The following NCOA1 variants were observed in gnomAD, a reference collection of about 807,000 sequenced individuals.
The protein encoded by NCOA1 is nuclear receptor coactivator 1.
Under a neutral mutation model 150.9 loss-of-function variants are expected in NCOA1, and 35 were observed. The ratio of observed to expected loss-of-function variants is 0.23; its 90% CI spans 0.18 to 0.31. The LOEUF (loss-of-function observed/expected upper bound fraction) is 0.31. NCOA1 is among the 10% of genes least tolerant of loss of function. The probability of loss-of-function intolerance (pLI) is 1.00; values close to 1 mark genes in which losing one functional copy is unlikely to be tolerated. For missense variants in NCOA1, 1,491 were observed against 1,749.3 expected, an observed-to-expected ratio of 0.85 and a Z score of 2.63; for synonymous variants, 590 against 630.0, an observed-to-expected ratio of 0.94 and a Z score of 0.95.
intron 6 of NCOA1, among the ~76,000 whole-genome samples, chr2:24,666,787 T>A (rs767174507): frequency 2.0e-5 from 3 of 152,030 alleles, no homozygotes; most frequent in Non-Finnish European, 2.9e-5. Context: ...TGCGCGCCAC[T>A]ATGCCCAGCT....
At chr2:24,678,185 A>C (rs1382690118) in intron 7 of NCOA1, among the ~76,000 whole-genome samples, 1 of 151,524 alleles carries the variant, frequency 6.6e-6, no homozygotes, top group Non-Finnish European at 1.5e-5. Context: ...ACAGCTTCCA[A>C]CTCCATCCAT....
chr2:24,556,597 C>T (rs1438842853), intron 1 of NCOA1, among the ~76,000 whole-genome samples: 1 of 152,132 alleles, frequency 6.6e-6, no homozygotes, highest in African/African-American at 2.4e-5. Flanking sequence ...CAAAAGAAGA[C>T]ATTTATGTGG....
chr2:24,571,663 T>C (rs1201843995), intron 2 of NCOA1, among the ~76,000 whole-genome samples: 2 of 152,168 alleles, frequency 1.3e-5, no homozygotes, highest in Admixed American at 1.3e-4. Flanking sequence ...CTTAGTGCGC[T>C]GGCCAAGGAG....
chr2:24,534,318 A>G (rs570492559), intron 1 of NCOA1, among the ~76,000 whole-genome samples: 5 of 151,766 alleles, frequency 3.3e-5, no homozygotes, highest in East Asian at 1.9e-4. Context: ...TATTGCATCT[A>G]TTTGATTCTT....
At chr2:24,703,350 T>C (rs936336460) in intron 11 of NCOA1, among the ~76,000 whole-genome samples, 1 of 152,204 alleles carries the variant, frequency 6.6e-6, no homozygotes, top group Non-Finnish European at 1.5e-5. Flanking sequence ...TTCTAATTAA[T>C]TGAAGTTTTA....
Position 24,514,264 on chromosome 2 carries a change from CA to C in NCOA1, c.-396+22664del, listed in dbSNP as rs1271383625. Reference sequence around the variant, plus strand: ...TCACGCCACTGCACTCCAGCCTGGGCAACAGAGTGAGACTCTGTCTCAAAAA... The same window carrying C: ...TCACGCCACTGCACTCCAGCCTGGGCACAGAGTGAGACTCTGTCTCAAAAA... On this transcript the variant is annotated intron_variant, in intron 1 of 22. Transcript: ENST00000348332. Among the ~76,000 whole-genome samples, 3 of 102,806 alleles carry C rather than the reference CA, an allele frequency of 2.9e-5. No individual in the cohort carries two copies. The East Asian group carries it at 8.8e-4, about 30-fold the overall frequency. The allele number at this position is 102,806 out of a possible 152,430, so 67.4% of individuals were successfully genotyped here.
chr2:24,636,232 A>G (rs1669934085), intron 3 of NCOA1, among the ~76,000 whole-genome samples: 1 of 152,176 alleles, frequency 6.6e-6, no homozygotes, highest in African/African-American at 2.4e-5. Flanking sequence ...ACCCATGAAC[A>G]TGTTAAACCA....
At chr2:24,494,383 C>T (rs751621758) in intron 1 of NCOA1, among the ~76,000 whole-genome samples, 1 of 152,152 alleles carries the variant, frequency 6.6e-6, no homozygotes, top group Non-Finnish European at 1.5e-5. Flanking sequence ...CTGCGTCTCC[C>T]AAGGACTCCA....
intron 19 of NCOA1, among the ~76,000 whole-genome samples, chr2:24,742,765 A>G (rs186576318): frequency 2.0e-5 from 3 of 152,290 alleles, no homozygotes; most frequent in East Asian, 3.9e-4. Context: ...TGAGAATTCA[A>G]TGAAAGTCTT....
rs1665172982 is a variant in NCOA1, at chr2:24,768,392, C to T, written c.*1C>T. The stretch of plus-strand genomic sequence containing the variant: ...CCTTCAGCAGCTACTGACTGAATAA[C>T]CACTTTTAAAGGAATGTGAAATTTA... On this transcript the variant is annotated 3_prime_UTR_variant, in exon 23 of 23. Coordinates refer to ENST00000348332, the MANE Select transcript of NCOA1 (RefSeq NM_003743.5). The T allele has an allele frequency of 1.2e-6, 2 of 1,602,188 alleles. No homozygotes were observed. Among genetic ancestry groups the T allele is most frequent in the Non-Finnish European group, 1.7e-6 (2 of 1,172,700 alleles).
chr2:24,731,401 T>G (rs1264159415), intron 17 of NCOA1, among the ~76,000 whole-genome samples: 1 of 152,158 alleles, frequency 6.6e-6, no homozygotes, highest in African/African-American at 2.4e-5. Flanking sequence ...ATGGAATAAA[T>G]GAGACAAAAC....
intron 3 of NCOA1, among the ~76,000 whole-genome samples, chr2:24,618,184 T>C (rs1239681656): frequency 6.6e-6 from 1 of 152,200 alleles, no homozygotes; most frequent in Non-Finnish European, 1.5e-5. Flanking sequence ...TGCAGACAAT[T>C]TGGCCTCCCT....
intron 4 of NCOA1, among the ~76,000 whole-genome samples, chr2:24,647,344 G>C (rs1025397982): frequency 1.3e-5 from 2 of 152,182 alleles, no homozygotes; most frequent in African/African-American, 4.8e-5. Flanking sequence ...TGCCGCTTAA[G>C]TTGTTGAGCA....
At position 24,665,861 on chromosome 2, in the gene NCOA1, A is replaced by C. The variant is rs149729595; in HGVS notation, c.202A>C (p.Lys68Gln). 1.9e-6 allele frequency: 3 copies of C among 1,600,606 alleles called. No individual in the cohort carries two copies. Among genetic ancestry groups the C allele is most frequent in the Non-Finnish European group, 2.6e-6 (3 of 1,173,130 alleles). ...CTTGAGTGTAAAACCAGACAAATGC[A>C]AGATTTTGAAGAAAACAGTCGATCA... ...DSLSVKPDKC[K>Q]ILKKTVDQIQ... Residue 68 changes from lysine to glutamine, a missense_variant, in exon 6 of 23, where the codon AAG (lysine) becomes CAG (glutamine). Physicochemically the swap from Lys to Gln is moderately conservative, Grantham distance 53. Coordinates refer to ENST00000348332, the MANE Select transcript of NCOA1 (RefSeq NM_003743.5).
intron 3 of NCOA1, among the ~76,000 whole-genome samples, chr2:24,600,930 C>T (rs1429950856): frequency 6.6e-6 from 1 of 152,070 alleles, no homozygotes; most frequent in East Asian, 1.9e-4. Flanking sequence ...TTAAGTCAAA[C>T]TGATTTTCTC....
chr2:24,718,252 C>T (rs1674159600), intron 14 of NCOA1, among the ~76,000 whole-genome samples: 2 of 152,106 alleles, frequency 1.3e-5, no homozygotes, highest in African/African-American at 2.4e-5. Context: ...AACTACAGTG[C>T]AATACCACTG....
chr2:24,637,392 G>A (rs373629087), intron 3 of NCOA1, among the ~76,000 whole-genome samples: 3 of 151,482 alleles, frequency 2.0e-5, no homozygotes, highest in South Asian at 2.1e-4. Flanking sequence ...ACATGCACAC[G>A]TATGTTTATT....
intron 2 of NCOA1, among the ~76,000 whole-genome samples, chr2:24,576,429 T>C (rs1666994946): frequency 6.6e-6 from 1 of 152,158 alleles, no homozygotes; most frequent in Non-Finnish European, 1.5e-5. Flanking sequence ...CTCCCTTCTT[T>C]ACACTACATC....
intron 1 of NCOA1, among the ~76,000 whole-genome samples, chr2:24,530,413 C>G (rs1664833780): frequency 6.6e-6 from 1 of 152,316 alleles, no homozygotes; most frequent in Admixed American, 6.5e-5. Flanking sequence ...AAACCTATTT[C>G]TTACACACTT....
Sources: gnomAD v4.1 joint callset for allele counts (sites outside exome capture counted in the v4.1 genomes callset) on GRCh38, gnomAD v4.1.1 for gene constraint, MANE v1.5 for transcripts, NCBI Gene and HGNC (gene_info 2026-07-23, HGNC 2026-07-21) for gene names.